The following CDH13 variants were observed in gnomAD, a reference collection of about 807,000 sequenced individuals.
CDH13 encodes cadherin-13.
Under a neutral mutation model 63.8 loss-of-function variants are expected in CDH13, and 24 were observed. The ratio of observed to expected loss-of-function variants is 0.38; its 90% CI spans 0.27 to 0.53. The LOEUF is 0.53. Among genes scored for constraint, CDH13 ranks in the 20% least tolerant of loss-of-function variants. The probability of loss-of-function intolerance (pLI) is 0.85; values close to 1 mark genes in which losing one functional copy is unlikely to be tolerated. For missense variants in CDH13, 1,049 were observed against 903.1 expected (o/e 1.16, Z -2.07); for synonymous variants, 503 against 355.3 (o/e 1.42, Z -4.67).
At chr16:83,019,033 C>G (rs1182188498) in intron 2 of CDH13, among the ~76,000 whole-genome samples, 1 of 152,164 alleles carries the variant, frequency 6.6e-6, no homozygotes, top group African/African-American at 2.4e-5. Flanking sequence ...TTTATAAACA[C>G]TGTACACTTA....
chr16:83,393,265 T>C (rs2091823091), intron 6 of CDH13, among the ~76,000 whole-genome samples: 1 of 152,022 alleles, frequency 6.6e-6, no homozygotes, highest in Non-Finnish European at 1.5e-5. Context: ...GTTTTTATGG[T>C]GTGGGAAAGG....
At chr16:82,764,474 G>A (rs571649707) in intron 1 of CDH13, among the ~76,000 whole-genome samples, 17 of 152,328 alleles carry the variant, frequency 1.1e-4, no homozygotes, top group South Asian at 6.2e-4. Context: ...TAACCTGGGG[G>A]TGGGAGGGAA....
At chr16:82,758,928 G>A (rs1041738553) in intron 1 of CDH13, among the ~76,000 whole-genome samples, 1 of 152,178 alleles carries the variant, frequency 6.6e-6, no homozygotes, top group Non-Finnish European at 1.5e-5. Context: ...ACACGTAACA[G>A]CTACCATAAT....
intron 2 of CDH13, among the ~76,000 whole-genome samples, chr16:82,894,642 CA>C (rs933232291): frequency 2.0e-5 from 3 of 151,268 alleles, no homozygotes; most frequent in East Asian, 1.9e-4. Context: ...ACCTCCATCT[CA>C]AAAAAAGAGA....
intron 4 of CDH13, among the ~76,000 whole-genome samples, chr16:83,182,793 A>G (rs1359675237): frequency 2.6e-5 from 4 of 152,262 alleles, no homozygotes; most frequent in Non-Finnish European, 1.5e-5. Context: ...ACACAAAATT[A>G]TAAAGTAAAA....
intron 2 of CDH13, among the ~76,000 whole-genome samples, chr16:82,872,491 T>G (rs1276794681): frequency 6.6e-6 from 1 of 152,204 alleles, no homozygotes; most frequent in Non-Finnish European, 1.5e-5. Context: ...CTGGGCTGCT[T>G]TAATAAGTAA....
intron 10 of CDH13, among the ~76,000 whole-genome samples, chr16:83,730,067 C>A (rs1490639543): frequency 6.6e-6 from 1 of 152,216 alleles, no homozygotes; most frequent in African/African-American, 2.4e-5. Context: ...TATGTGTTGT[C>A]ATCTTGTCAT....
At chr16:82,817,961 G>C (rs200367294) in intron 1 of CDH13, among the ~76,000 whole-genome samples, 1 of 148,524 alleles carries the variant, frequency 6.7e-6, no homozygotes, top group Non-Finnish European at 1.5e-5. Context: ...ATATATATAT[G>C]TATGTATACA....
At chr16:82,928,875 C>T (rs887965698) in intron 2 of CDH13, among the ~76,000 whole-genome samples, 1 of 152,142 alleles carries the variant, frequency 6.6e-6, no homozygotes, top group African/African-American at 2.4e-5. Flanking sequence ...CTTCTTATGT[C>T]CATTCTTCTG....
At chr16:82,944,303 C>G (rs1904454488) in intron 2 of CDH13, among the ~76,000 whole-genome samples, 1 of 152,096 alleles carries the variant, frequency 6.6e-6, no homozygotes, top group African/African-American at 2.4e-5. Context: ...CATTGGTTAA[C>G]CTGGTGGAAA....
chr16:82,926,149 G>A (rs975203003), intron 2 of CDH13: 4 of 152,132 alleles, frequency 2.6e-5, no homozygotes, highest in Non-Finnish European at 4.4e-5. Flanking sequence ...AAAGGTCCAG[G>A]TAGTAAACAT....
chr16:83,221,169 A>G (rs879782912), intron 5 of CDH13, among the ~76,000 whole-genome samples: 1 of 152,200 alleles, frequency 6.6e-6, no homozygotes, highest in African/African-American at 2.4e-5. Context: ...TAGATTTTAT[A>G]TCTAATCTGC....
chr16:82,960,732 T>G (rs1015751494), intron 2 of CDH13, among the ~76,000 whole-genome samples: 1 of 152,168 alleles, frequency 6.6e-6, no homozygotes, highest in African/African-American at 2.4e-5. Context: ...TTCTGATATC[T>G]TCTAGGGAAC....
rs1409836899 is a variant in CDH13, at chr16:83,799,902, A to G, written c.*4872A>G. 1.3e-5 allele frequency: 2 copies of G among 152,330 alleles called. No individual in the cohort carries two copies. The highest frequency in any genetic ancestry group is 3.9e-4 in the East Asian group (2 of 5,190). 9.4% of individuals were successfully genotyped at this position (152,330 alleles called of 1,614,324 possible). A position where few individuals can be genotyped will look rare whatever the true frequency, so the allele number is the denominator to read the frequency against. On this transcript the variant is annotated 3_prime_UTR_variant, in exon 14 of 14. Coordinates refer to ENST00000567109, the MANE Select transcript of CDH13 (RefSeq NM_001257.5). ...GGAGAGACAGCAAAAAATGGTGGGA[A>G]TGGGTGTGTGTATGAGGGTTTCAGA...
chr16:83,474,745 G>T (rs530272987), intron 6 of CDH13, among the ~76,000 whole-genome samples: 182 of 152,360 alleles, frequency 1.2e-3, no homozygotes, highest in Non-Finnish European at 2.1e-3. Context: ...TGTGAAGCCA[G>T]CACAGATCTC....
chr16:83,644,965 C>G (rs542260885), intron 8 of CDH13, among the ~76,000 whole-genome samples: 35 of 152,298 alleles, frequency 2.3e-4, no homozygotes, highest in African/African-American at 7.7e-4. Context: ...CTGGGCTCCT[C>G]GCTTGGACTT....
intron 6 of CDH13, among the ~76,000 whole-genome samples, chr16:83,348,934 G>A (rs530304381): frequency 5.6e-4 from 85 of 152,314 alleles, no homozygotes; most frequent in African/African-American, 1.8e-3. Flanking sequence ...AGAGACACAT[G>A]AGTTGTGTGA....
chr16:83,240,224 C>T (rs538437632), intron 5 of CDH13, among the ~76,000 whole-genome samples: 2 of 152,144 alleles, frequency 1.3e-5, no homozygotes, highest in Admixed American at 1.3e-4. Context: ...GAAGTAGGTG[C>T]AAAGATCCGG....
chr16:82,948,591 A>T (rs907065339), intron 2 of CDH13, among the ~76,000 whole-genome samples: 1 of 152,208 alleles, frequency 6.6e-6, no homozygotes, highest in African/African-American at 2.4e-5. Flanking sequence ...TTCTTCAACC[A>T]ACCAAAATGA....
Sources: gnomAD v4.1 joint callset for allele counts (sites outside exome capture counted in the v4.1 genomes callset) on GRCh38, gnomAD v4.1.1 for gene constraint, MANE v1.5 for transcripts, NCBI Gene and HGNC (gene_info 2026-07-23, HGNC 2026-07-21) for gene names.